The following NCK2 variants were observed in gnomAD, a reference collection of about 807,000 sequenced individuals.
NCK2 encodes cytoplasmic protein NCK2.
NCK2 carries 16 observed loss-of-function variants against 33.9 expected under a neutral mutation model. The observed-to-expected ratio is 0.47, with a 90% CI of 0.32 to 0.72. The LOEUF (loss-of-function observed/expected upper bound fraction) is 0.72, where lower values mean the gene tolerates loss of function less well. Ranked by LOEUF, NCK2 falls within the 30% of genes least tolerant of loss-of-function variation. The pLI is 0.03. For missense variants in NCK2, 418 were observed against 537.3 expected (o/e 0.78, Z 2.19); for synonymous variants, 273 against 239.9 (o/e 1.14, Z -1.27).
At chr2:105,745,587 T>C (rs1689255449) in intron 1 of NCK2, 2 of 152,276 alleles carry the variant, frequency 1.3e-5, no homozygotes, top group Admixed American at 6.5e-5. Flanking sequence ...CGGGGAAGAA[T>C]AGCCGCGGAT....
chr2:105,798,039 A>G (rs569387356), intron 1 of NCK2, among the ~76,000 whole-genome samples: 2 of 152,284 alleles, frequency 1.3e-5, no homozygotes, highest in African/African-American at 4.8e-5. Flanking sequence ...TTATTAATTT[A>G]TGGTTTTGAT....
intron 2 of NCK2, among the ~76,000 whole-genome samples, chr2:105,837,569 T>C (rs1056940598): frequency 6.6e-6 from 1 of 152,198 alleles, no homozygotes; most frequent in African/African-American, 2.4e-5. Flanking sequence ...CCCTGAGCAC[T>C]GTGCATGTCC....
At chr2:105,783,058 C>T (rs367655106) in intron 1 of NCK2, among the ~76,000 whole-genome samples, 9 of 152,128 alleles carry the variant, frequency 5.9e-5, no homozygotes, top group African/African-American at 1.4e-4. Context: ...GGGATATAAC[C>T]GTGGAACAAG....
chr2:105,884,309 T>G (rs182553315), intron 4 of NCK2, among the ~76,000 whole-genome samples: 1 of 152,356 alleles, frequency 6.6e-6, no homozygotes, highest in East Asian at 1.9e-4. Context: ...AGGTTAGAGC[T>G]GGCTTTCGCA....
chr2:105,828,147 T>A (rs1676023799), intron 2 of NCK2, among the ~76,000 whole-genome samples: 1 of 152,180 alleles, frequency 6.6e-6, no homozygotes. Context: ...ATTTCCTCTT[T>A]TTATAGTAGT....
At chr2:105,772,774 A>G (rs1464561065) in intron 1 of NCK2, among the ~76,000 whole-genome samples, 1 of 151,992 alleles carries the variant, frequency 6.6e-6, no homozygotes, top group Non-Finnish European at 1.5e-5. Context: ...TTTCACAGTG[A>G]GTGCAGCTTC....
At chr2:105,847,307 C>T (rs1212575089) in intron 2 of NCK2, 1 of 150,000 alleles carries the variant, frequency 6.7e-6, no homozygotes, top group African/African-American at 2.5e-5. Flanking sequence ...GGTTAATCTG[C>T]AGGGGTTGGG....
At position 105,817,979 on chromosome 2, in the gene NCK2, C is replaced by T. The variant is rs528023093; in HGVS notation, c.-17+1366C>T. On this transcript the variant is annotated intron_variant, in intron 2 of 4. Coordinates refer to ENST00000233154, the MANE Select transcript of NCK2 (RefSeq NM_003581.5). ...ATGCTGCTATAAAGACACATGCACA[C>T]GTATGTTTATTGCAGCACTACTCAT... Among the ~76,000 whole-genome samples the T allele has an allele frequency of 1.4e-4, 21 of 152,088 alleles. No homozygotes were observed. The East Asian group carries it at 2.3e-3, about 17-fold the overall frequency.
intron 1 of NCK2, among the ~76,000 whole-genome samples, chr2:105,805,685 G>T (rs1479514245): frequency 6.6e-6 from 1 of 152,068 alleles, no homozygotes; most frequent in African/African-American, 2.4e-5. Flanking sequence ...ATATAAATGA[G>T]ATCATTCAGT....
chr2:105,854,004 G>A (rs1171686666), intron 2 of NCK2: 7 of 152,248 alleles, frequency 4.6e-5, no homozygotes, highest in African/African-American at 1.4e-4. Flanking sequence ...GGGCAATGCA[G>A]AGATGGACAC....
chr2:105,832,270 T>G (rs1454570113), intron 2 of NCK2, among the ~76,000 whole-genome samples: 1 of 152,220 alleles, frequency 6.6e-6, no homozygotes, highest in Non-Finnish European at 1.5e-5. Context: ...TTCTACAGTA[T>G]TTTGCTGGAA....
At chr2:105,841,483 C>T (rs993831376) in intron 2 of NCK2, among the ~76,000 whole-genome samples, 1 of 152,170 alleles carries the variant, frequency 6.6e-6, no homozygotes, top group Non-Finnish European at 1.5e-5. Flanking sequence ...TCTCCAGGAA[C>T]CTCCCCGTGT....
At chr2:105,815,084 C>A (rs756288467) in intron 1 of NCK2, among the ~76,000 whole-genome samples, 1 of 152,158 alleles carries the variant, frequency 6.6e-6, no homozygotes, top group Non-Finnish European at 1.5e-5. Context: ...ACTTCCATCT[C>A]GAGAGGACCT....
Position 105,801,084 on chromosome 2 carries a change from C to T in NCK2, c.-200-15346C>T, listed in dbSNP as rs921504007. Among the ~76,000 whole-genome samples, 4 of 152,146 alleles carry T rather than the reference C, an allele frequency of 2.6e-5. No homozygotes were observed. The East Asian group carries it at 5.8e-4, about 22-fold the overall frequency. ...AGGTGAAAGCTGGGCGTGCTGAGCC[C>T]GTCAGCATTTGTTCTCTTTGATGCA... On this transcript the variant is annotated intron_variant, in intron 1 of 4. Transcript: ENST00000233154.
At chr2:105,771,337 C>T (rs868056184) in intron 1 of NCK2, among the ~76,000 whole-genome samples, 4 of 151,926 alleles carry the variant, frequency 2.6e-5, no homozygotes, top group South Asian at 4.2e-4. Flanking sequence ...GAGGCTGAGG[C>T]AGGTGGATCA....
chr2:105,828,851 A>G (rs1676058070), intron 2 of NCK2, among the ~76,000 whole-genome samples: 1 of 152,216 alleles, frequency 6.6e-6, no homozygotes, highest in Admixed American at 6.5e-5. Flanking sequence ...ACTGTCTGAA[A>G]TGTCTTCTTT....
intron 1 of NCK2, among the ~76,000 whole-genome samples, chr2:105,798,025 A>G (rs1458982113): frequency 2.0e-5 from 3 of 152,172 alleles, no homozygotes; most frequent in African/African-American, 7.2e-5. Context: ...TTATAACCAC[A>G]TTTTTATTAA....
intron 1 of NCK2, among the ~76,000 whole-genome samples, chr2:105,808,265 G>T (rs963653484): frequency 2.0e-5 from 3 of 152,170 alleles, no homozygotes; most frequent in Admixed American, 2.0e-4. Flanking sequence ...GTAACTTTCA[G>T]CCTTAAATTT....
chr2:105,834,212 A>G (rs1487295679), intron 2 of NCK2, among the ~76,000 whole-genome samples: 2 of 152,140 alleles, frequency 1.3e-5, no homozygotes, highest in Non-Finnish European at 2.9e-5. Context: ...TGCCTGGATG[A>G]TCTGTCCAGT....
Sources: gnomAD v4.1 joint callset for allele counts (sites outside exome capture counted in the v4.1 genomes callset) on GRCh38, gnomAD v4.1.1 for gene constraint, MANE v1.5 for transcripts, NCBI Gene and HGNC (gene_info 2026-07-23, HGNC 2026-07-21) for gene names.